PTPRN2: variants seen among roughly 807,000 people sequenced by gnomAD.
The protein encoded by PTPRN2 is receptor-type tyrosine-protein phosphatase N2.
In PTPRN2, 74 loss-of-function variants were observed where a neutral mutation model predicts 118.8. The ratio of observed to expected loss-of-function variants is 0.62; its 90% CI spans 0.52 to 0.76. The LOEUF is 0.76. Among genes scored for constraint, PTPRN2 ranks in the 30% least tolerant of loss-of-function variants. The pLI is 0.00. For synonymous variants in PTPRN2, 641 were observed against 608.0 expected (o/e 1.05, Z -0.80); for missense variants, 1,481 against 1,394.4 (o/e 1.06, Z -0.99).
intron 11 of PTPRN2, among the ~76,000 whole-genome samples, chr7:157,904,334 C>T (rs1584988374): frequency 1.3e-5 from 2 of 152,302 alleles, no homozygotes; most frequent in South Asian, 2.1e-4. Context: ...TCAGGGGCTC[C>T]GCAGGCCGCT....
chr7:158,337,201 A>G (rs201937696), intron 2 of PTPRN2, among the ~76,000 whole-genome samples: 1,531 of 111,698 alleles, frequency 0.014, no homozygotes, highest in East Asian at 0.038. Context: ...TCTCACCATA[A>G]GAGGTGACAC....
At chr7:157,936,888 C>T (rs1799739542) in intron 11 of PTPRN2, among the ~76,000 whole-genome samples, 1 of 152,246 alleles carries the variant, frequency 6.6e-6, no homozygotes, top group South Asian at 2.1e-4. Context: ...CCACCTCTCC[C>T]CTGTCTTTCC....
intron 12 of PTPRN2, among the ~76,000 whole-genome samples, chr7:157,895,783 C>T (rs901014722): frequency 3.3e-5 from 5 of 152,026 alleles, no homozygotes; most frequent in Admixed American, 6.6e-5. Flanking sequence ...GCGTCAGGAC[C>T]GTGATGGGAA....
Position 157,738,503 on chromosome 7 carries a change from G to A in PTPRN2, c.1789-55566C>T, listed in dbSNP as rs1248763505. 3.3e-5 allele frequency among the ~76,000 whole-genome samples: 5 copies of A among 152,368 alleles called. No homozygotes were observed. The East Asian group carries it at 7.7e-4, about 24-fold the overall frequency. On this transcript the variant is annotated intron_variant, in intron 12 of 22. Coordinates refer to ENST00000389418, the MANE Select transcript of PTPRN2 (RefSeq NM_002847.5). ...TATCCGAGAGGTGGGTGGGAGGGAC[G>A]CAGGCTGCCGGTGCTGGTCCCGGGT...
chr7:158,091,348 A>G (rs1814107925), intron 10 of PTPRN2, among the ~76,000 whole-genome samples: 1 of 152,270 alleles, frequency 6.6e-6, no homozygotes, highest in Admixed American at 6.5e-5. Context: ...TTTAAAGTTA[A>G]TCATTTAATG....
intron 1 of PTPRN2, among the ~76,000 whole-genome samples, chr7:158,512,634 G>A (rs139874656): frequency 4.6e-5 from 7 of 152,234 alleles, no homozygotes; most frequent in African/African-American, 1.7e-4. Context: ...CCGCAGTAAT[G>A]AGCACACACC....
At chr7:158,441,077 GGTGCTGGTGGT>G (rs1817063970) in intron 2 of PTPRN2, among the ~76,000 whole-genome samples, 25 of 141,324 alleles carry the variant, frequency 1.8e-4, no homozygotes, top group South Asian at 4.3e-4. Context: ...TAGTGATGGT[GGTGCTGGTGGT>G]AGTGATAGGG....
At chr7:157,768,582 G>T (rs991822619) in intron 12 of PTPRN2, among the ~76,000 whole-genome samples, 2 of 152,134 alleles carry the variant, frequency 1.3e-5, no homozygotes, top group East Asian at 3.9e-4. Context: ...GGGCTGCGAC[G>T]CCCCAGCCCA....
intron 3 of PTPRN2, among the ~76,000 whole-genome samples, chr7:158,265,863 G>A (rs933050864): frequency 7.2e-5 from 11 of 152,210 alleles, no homozygotes; most frequent in Non-Finnish European, 1.5e-4. Flanking sequence ...ACAGAGCCCC[G>A]CCATGGAACA....
intron 11 of PTPRN2, among the ~76,000 whole-genome samples, chr7:157,969,464 C>T (rs934102851): frequency 6.6e-6 from 1 of 152,168 alleles, no homozygotes; most frequent in African/African-American, 2.4e-5. Context: ...ACTTGCCCAC[C>T]TCTGATTTCT....
chr7:158,201,005 T>C (rs1430390368), intron 4 of PTPRN2, among the ~76,000 whole-genome samples: 1 of 151,326 alleles, frequency 6.6e-6, no homozygotes, highest in Non-Finnish European at 1.5e-5. Context: ...AAGAAGAAAA[T>C]CTAAGAGATA....
intron 12 of PTPRN2, among the ~76,000 whole-genome samples, chr7:157,894,163 G>A (rs1019172779): frequency 1.3e-5 from 2 of 152,176 alleles, no homozygotes; most frequent in East Asian, 3.8e-4. Flanking sequence ...CACGCACATC[G>A]AAATCCCGCA....
chr7:157,661,074 T>A (rs1795860397), intron 13 of PTPRN2, among the ~76,000 whole-genome samples: 1 of 152,188 alleles, frequency 6.6e-6, no homozygotes, highest in South Asian at 2.1e-4. Flanking sequence ...AATTTAGAGC[T>A]GGACAAGCCG....
intron 14 of PTPRN2, among the ~76,000 whole-genome samples, chr7:157,636,818 C>G (rs1804348916): frequency 6.6e-6 from 1 of 151,912 alleles, no homozygotes; most frequent in African/African-American, 2.4e-5. Flanking sequence ...CATTTTAAAC[C>G]TCTCTGCTTA....
In PTPRN2 at chr7:157,550,214, A is replaced by T. The variant is rs1235136325; in HGVS notation, c.2903-1195T>A. 6.6e-6 allele frequency among the ~76,000 whole-genome samples: 1 copy of T among 152,194 alleles called. No homozygotes were observed. Among genetic ancestry groups the T allele is most frequent in the African/African-American group, 2.4e-5 (1 of 41,440 alleles). ...CCTTTCCCTGTGGTTCTGTGGCTTC[A>T]TGGGGTGGCAACTGTGAAGCCAGTG... On this transcript the variant is annotated intron_variant, in intron 21 of 22. Transcript: ENST00000389418. This position sits in a 1 kb window ranked among gnomAD's most constrained non-coding sequence, Gnocchi z 5.2.
chr7:157,907,220 G>T (rs952883945), intron 11 of PTPRN2, among the ~76,000 whole-genome samples: 1 of 152,332 alleles, frequency 6.6e-6, no homozygotes, highest in Middle Eastern at 3.4e-3. Context: ...GGCTCGGAGA[G>T]GACCAGGCCA....
intron 11 of PTPRN2, among the ~76,000 whole-genome samples, chr7:157,940,499 CCT>C (rs1156434685): frequency 7.5e-5 from 11 of 147,458 alleles, no homozygotes; most frequent in African/African-American, 2.6e-4. Context: ...AATCTAACAC[CCT>C]CCCCCTTGAC....
At chr7:158,179,850 T>C (rs1434584392) in intron 5 of PTPRN2, among the ~76,000 whole-genome samples, 1 of 152,232 alleles carries the variant, frequency 6.6e-6, no homozygotes, top group Non-Finnish European at 1.5e-5. Context: ...CCCCTTTCCA[T>C]GGCAATGACC....
chr7:157,996,572 C>T (rs1390956836), intron 11 of PTPRN2, among the ~76,000 whole-genome samples: 2 of 152,234 alleles, frequency 1.3e-5, no homozygotes, highest in African/African-American at 2.4e-5. Context: ...GCTCCCACCA[C>T]CCCGAGGGCC....
Sources: gnomAD v4.1 joint callset for allele counts (sites outside exome capture counted in the v4.1 genomes callset) on GRCh38, gnomAD v4.1.1 for gene constraint, Gnocchi (gnomAD v3.1) non-coding constraint, MANE v1.5 for transcripts, NCBI Gene and HGNC (gene_info 2026-07-23, HGNC 2026-07-21) for gene names.